GABRG3: variants seen among roughly 807,000 people sequenced by gnomAD.
GABRG3 encodes the protein gamma-aminobutyric acid receptor subunit gamma-3.
Under a neutral mutation model 48.8 loss-of-function variants are expected in GABRG3, and 25 were observed. The observed-to-expected ratio is 0.51, with a 90% CI of 0.37 to 0.72. GABRG3 has a LOEUF of 0.72. Among genes scored for constraint, GABRG3 ranks in the 30% least tolerant of loss-of-function variants. The pLI, the probability that GABRG3 is intolerant of heterozygous loss-of-function variation, is 0.00. For missense variants in GABRG3, 394 were observed against 577.9 expected, an observed-to-expected ratio of 0.68 and a Z score of 3.26; for synonymous variants, 227 against 217.6, an observed-to-expected ratio of 1.04 and a Z score of -0.38.
chr15:27,143,369 C>G (rs1240742331), intron 3 of GABRG3, among the ~76,000 whole-genome samples: 1 of 152,148 alleles, frequency 6.6e-6, no homozygotes, highest in African/African-American at 2.4e-5. Flanking sequence ...TGTGAGCTAC[C>G]ATATCTGGCT....
At position 27,172,261 on chromosome 15, in the gene GABRG3, A is replaced by T. The variant is rs181976454; in HGVS notation, c.270+145440A>T. On this transcript the variant is annotated intron_variant, in intron 3 of 9. Transcript: ENST00000615808. ...ACAGTGTGGACAGGTGCATGGAAGG[A>T]AGTGTTATGATAAGTGAAGCTTTGC... 3.7e-3 allele frequency among the ~76,000 whole-genome samples: 568 copies of T among 152,262 alleles called. 4 individuals carry two copies. Among genetic ancestry groups the T allele is most frequent in the Non-Finnish European group, 6.8e-3 (460 of 68,020 alleles).
intron 2 of GABRG3, among the ~76,000 whole-genome samples, chr15:26,984,320 C>T (rs1020510493): frequency 2.6e-5 from 4 of 151,852 alleles, no homozygotes; most frequent in East Asian, 1.9e-4. Flanking sequence ...TGCAGCAGGG[C>T]GATCCATCAT....
chr15:27,504,831 G>A (rs1421485174), intron 6 of GABRG3, among the ~76,000 whole-genome samples: 1 of 151,956 alleles, frequency 6.6e-6, no homozygotes, highest in Non-Finnish European at 1.5e-5. Flanking sequence ...ACATATATTT[G>A]CTGAGTATAA....
chr15:27,364,980 C>T (rs1895144028), intron 5 of GABRG3: 1 of 151,912 alleles, frequency 6.6e-6, no homozygotes, highest in East Asian at 1.9e-4. Flanking sequence ...GACACATATT[C>T]CTCAAATGTT....
chr15:27,306,974 TATATA>T (rs377429093), intron 3 of GABRG3, among the ~76,000 whole-genome samples: 812 of 44,702 alleles, frequency 0.018, 137 homozygotes, highest in African/African-American at 0.042. Context: ...TATATAAACA[TATATA>T]ATATAAACAT....
intron 5 of GABRG3, among the ~76,000 whole-genome samples, chr15:27,445,957 A>G (rs1012301047): frequency 2.0e-5 from 3 of 152,144 alleles, no homozygotes; most frequent in Admixed American, 2.0e-4. Context: ...TTGGCTGTAA[A>G]TAAGAGGATT....
chr15:27,289,646 C>G (rs1891732742), intron 3 of GABRG3, among the ~76,000 whole-genome samples: 1 of 152,016 alleles, frequency 6.6e-6, no homozygotes, highest in South Asian at 2.1e-4. Context: ...AATTCTGATA[C>G]CACTGTACAG....
At chr15:27,070,989 G>A (rs1896817964) in intron 3 of GABRG3, among the ~76,000 whole-genome samples, 1 of 152,208 alleles carries the variant, frequency 6.6e-6, no homozygotes, top group Non-Finnish European at 1.5e-5. Flanking sequence ...GGGAGAACCT[G>A]CTTGGTGGCT....
At position 27,532,962 on chromosome 15, in the gene GABRG3, G is replaced by C; in HGVS notation, c.*81G>C. 2 of 1,338,772 alleles carry C rather than the reference G, an allele frequency of 1.5e-6. No homozygotes were observed. Among genetic ancestry groups the C allele is most frequent in the Non-Finnish European group, 2.1e-6 (2 of 973,642 alleles). The allele number at this position is 1,338,772 out of a possible 1,614,324, so 82.9% of individuals were successfully genotyped here. A position where few individuals can be genotyped will look rare whatever the true frequency, so the allele number is the denominator to read the frequency against. ...TCCCCAGACCAGTAGTGACCAATCG[G>C]GAGTAGCAAGGAAGGACACTGCCCA... On this transcript the variant is annotated 3_prime_UTR_variant, in exon 10 of 10. Coordinates refer to ENST00000615808, the MANE Select transcript of GABRG3 (RefSeq NM_033223.5).
In GABRG3 at chr15:27,458,002, C is replaced by A. The variant is rs188068781; in HGVS notation, c.575-22648C>A. On this transcript the variant is annotated intron_variant, in intron 5 of 9. Transcript: ENST00000615808. ...GACCATCTGCTTTTGTCGTGAACTC[C>A]TTGGACGGTGCAGGAACTATGCTCA... Among the ~76,000 whole-genome samples the A allele has an allele frequency of 7.2e-5, 11 of 152,284 alleles. No homozygotes were observed. In the East Asian group the frequency reaches 2.1e-3, roughly 29 times the overall value.
intron 3 of GABRG3, among the ~76,000 whole-genome samples, chr15:27,144,508 C>G (rs1033092534): frequency 6.6e-6 from 1 of 151,248 alleles, no homozygotes; most frequent in African/African-American, 2.4e-5. Context: ...TTGTTGAAAA[C>G]TATTTGTCAC....
chr15:27,020,028 G>A (rs1317155182), intron 2 of GABRG3, among the ~76,000 whole-genome samples: 1 of 152,064 alleles, frequency 6.6e-6, no homozygotes, highest in Non-Finnish European at 1.5e-5. Flanking sequence ...AAAATTTACT[G>A]AGCACCCACT....
chr15:27,058,197 C>T (rs558141217), intron 3 of GABRG3, among the ~76,000 whole-genome samples: 46 of 152,252 alleles, frequency 3.0e-4, no homozygotes, highest in African/African-American at 1.0e-3. Context: ...ATCTTAAATA[C>T]GCAGGGACAA....
chr15:27,471,846 A>G (rs1034316610), intron 5 of GABRG3, among the ~76,000 whole-genome samples: 2 of 152,210 alleles, frequency 1.3e-5, no homozygotes, highest in African/African-American at 2.4e-5. Flanking sequence ...GCACCAATAC[A>G]CAATAGGTTT....
chr15:27,111,951 A>T (rs1044412378), intron 3 of GABRG3, among the ~76,000 whole-genome samples: 6 of 133,390 alleles, frequency 4.5e-5, no homozygotes, highest in African/African-American at 1.3e-4. Flanking sequence ...TGAATGTTTT[A>T]CAACAGTTAC....
At chr15:26,983,008 A>G (rs891468861) in intron 2 of GABRG3, among the ~76,000 whole-genome samples, 6 of 152,308 alleles carry the variant, frequency 3.9e-5, no homozygotes, top group East Asian at 1.9e-4. Flanking sequence ...ATGATATTCA[A>G]TCAGAAAACA....
chr15:27,335,197 C>T (rs531423135), intron 5 of GABRG3, among the ~76,000 whole-genome samples: 1 of 152,268 alleles, frequency 6.6e-6, no homozygotes, highest in Admixed American at 6.5e-5. Flanking sequence ...CTGCTATACC[C>T]ATTGGTAGAC....
chr15:27,462,148 G>A (rs766961614), intron 5 of GABRG3, among the ~76,000 whole-genome samples: 3 of 151,950 alleles, frequency 2.0e-5, no homozygotes, highest in Non-Finnish European at 4.4e-5. Flanking sequence ...ATCTCCTTCC[G>A]GGTCTTATAG....
chr15:27,349,300 A>G (rs1357941058), intron 5 of GABRG3, among the ~76,000 whole-genome samples: 1 of 152,324 alleles, frequency 6.6e-6, no homozygotes, highest in Non-Finnish European at 1.5e-5. Context: ...AGAAGAACAC[A>G]TAAAATATTC....
Sources: allele counts gnomAD v4.1 joint callset (sites outside exome capture counted in the v4.1 genomes callset), GRCh38; gene constraint gnomAD v4.1.1; transcripts MANE v1.5; gene names NCBI Gene and HGNC (gene_info 2026-07-23, HGNC 2026-07-21).